Variants in UVRAG observed in about 807,000 individuals in gnomAD.
The protein encoded by UVRAG is UV radiation resistance associated.
UVRAG carries 19 observed loss-of-function variants against 78.0 expected under a neutral mutation model. The observed-to-expected ratio is 0.24, with a 90% CI of 0.17 to 0.36. The LOEUF is 0.36. Ranked by LOEUF, UVRAG falls within the 10% of genes least tolerant of loss-of-function variation. The pLI is 1.00. For synonymous variants in UVRAG, 323 were observed against 324.6 expected (o/e 1.00, Z 0.05); for missense variants, 740 against 853.8 (o/e 0.87, Z 1.66).
At chr11:76,038,824 T>A (rs1476913340) in intron 12 of UVRAG, among the ~76,000 whole-genome samples, 1 of 152,190 alleles carries the variant, frequency 6.6e-6, no homozygotes, top group East Asian at 1.9e-4. Context: ...TCCTAAGAAC[T>A]GGGAGTGAAA....
intron 3 of UVRAG, among the ~76,000 whole-genome samples, chr11:75,878,004 A>G (rs1177806600): frequency 4.7e-4 from 64 of 136,392 alleles, no homozygotes; most frequent in African/African-American, 1.8e-3. Context: ...CCGGGCGGAG[A>G]CGCTCCTCAC....
In UVRAG at chr11:76,035,476, T is replaced by C. The variant is rs182090027; in HGVS notation, c.1226+18496T>C. Among the ~76,000 whole-genome samples the C allele has an allele frequency of 1.1e-3, 167 of 152,336 alleles. 2 individuals are homozygous for C. The highest frequency in any genetic ancestry group is 1.8e-3 in the Non-Finnish European group (124 of 67,996). ...ATTTTAATTGGAAACTGCCCTGTTT[T>C]GTAGTATGCAATTTGGAATAGACAC... On this transcript the variant is annotated intron_variant, in intron 12 of 14. Transcript: ENST00000356136.
intron 6 of UVRAG, among the ~76,000 whole-genome samples, chr11:75,924,475 T>G (rs1478850910): frequency 1.3e-5 from 2 of 152,036 alleles, no homozygotes; most frequent in South Asian, 4.1e-4. Context: ...AAGCTCTGTC[T>G]CCCAGGTTCA....
intron 5 of UVRAG, among the ~76,000 whole-genome samples, chr11:75,900,739 G>T (rs895093329): frequency 6.6e-6 from 1 of 152,134 alleles, no homozygotes; most frequent in African/African-American, 2.4e-5. Context: ...GCCTGTGATT[G>T]TGATTATTTT....
At chr11:75,913,380 G>A (rs909988326) in intron 6 of UVRAG, among the ~76,000 whole-genome samples, 9 of 152,184 alleles carry the variant, frequency 5.9e-5, no homozygotes, top group African/African-American at 2.2e-4. Flanking sequence ...ATGTAGGAGA[G>A]CAGGAACTGA....
chr11:76,013,613 C>T (rs1249931235), intron 11 of UVRAG, among the ~76,000 whole-genome samples: 2 of 152,174 alleles, frequency 1.3e-5, no homozygotes, highest in African/African-American at 4.8e-5. Flanking sequence ...TCTTGCAATG[C>T]TGGAAACCTT....
At chr11:76,085,348 A>AT (rs750378310) in intron 13 of UVRAG, among the ~76,000 whole-genome samples, 7 of 152,228 alleles carry the variant, frequency 4.6e-5, no homozygotes, top group South Asian at 2.1e-4. Flanking sequence ...TAAAGTATAA[A>AT]TTGTGCTGGG....
intron 12 of UVRAG, among the ~76,000 whole-genome samples, chr11:76,027,520 G>A (rs971893421): frequency 2.0e-5 from 3 of 151,994 alleles, no homozygotes; most frequent in African/African-American, 7.2e-5. Context: ...TTGGGGTCAT[G>A]TTGGCTTCTC....
At chr11:76,108,819 T>C (rs981652433) in intron 13 of UVRAG, among the ~76,000 whole-genome samples, 1 of 152,200 alleles carries the variant, frequency 6.6e-6, no homozygotes, top group Non-Finnish European at 1.5e-5. Context: ...CAATACAGTT[T>C]GTTAATTTTT....
intron 7 of UVRAG, among the ~76,000 whole-genome samples, chr11:75,976,305 C>A (rs1949237970): frequency 1.3e-5 from 2 of 152,184 alleles, no homozygotes; most frequent in African/African-American, 4.8e-5. Context: ...CAATGTTCAT[C>A]AGGGATATTG....
chr11:76,090,591 T>TA (rs1266285600), intron 13 of UVRAG, among the ~76,000 whole-genome samples: 1 of 152,206 alleles, frequency 6.6e-6, no homozygotes, highest in Non-Finnish European at 1.5e-5. Flanking sequence ...GACCTACCGT[T>TA]ATAGGTTTTC....
intron 6 of UVRAG, chr11:75,935,160 T>G (rs1948342334): frequency 6.6e-6 from 1 of 152,218 alleles, no homozygotes; most frequent in Non-Finnish European, 1.5e-5. Context: ...TTGTACAGTG[T>G]CAGAAGACAG....
intron 1 of UVRAG, among the ~76,000 whole-genome samples, chr11:75,844,629 T>TA (rs1472851988): frequency 6.6e-6 from 1 of 152,048 alleles, no homozygotes; most frequent in Non-Finnish European, 1.5e-5. Flanking sequence ...ATGATTGTGA[T>TA]ACTAATATTT....
chr11:76,083,016 G>A (rs1442203113), intron 13 of UVRAG, among the ~76,000 whole-genome samples: 1 of 152,162 alleles, frequency 6.6e-6, no homozygotes, highest in Non-Finnish European at 1.5e-5. Flanking sequence ...GGGTGACAGA[G>A]ACCGTGTCTC....
chr11:75,922,981 A>T (rs913655635), intron 6 of UVRAG, among the ~76,000 whole-genome samples: 11 of 146,008 alleles, frequency 7.5e-5, no homozygotes, highest in South Asian at 2.1e-4. Context: ...ATAAGAAAAA[A>T]ATATATATAC....
chr11:76,069,280 T>C (rs1299449796), intron 13 of UVRAG, among the ~76,000 whole-genome samples: 2 of 152,224 alleles, frequency 1.3e-5, no homozygotes, highest in Admixed American at 6.5e-5. Flanking sequence ...CCTCTTCATG[T>C]CACTGCTGTC....
chr11:76,021,890 C>CA (rs1014426623), intron 12 of UVRAG, among the ~76,000 whole-genome samples: 2 of 152,046 alleles, frequency 1.3e-5, no homozygotes, highest in African/African-American at 4.8e-5. Context: ...ACTGTCTTTA[C>CA]AAAAAATACA....
chr11:75,916,862 T>C (rs556855199), intron 6 of UVRAG: 1 of 152,322 alleles, frequency 6.6e-6, no homozygotes, highest in East Asian at 1.9e-4. Flanking sequence ...ATAAGACCAA[T>C]TAAGCCAGTT....
At chr11:76,107,547 CAT>C (rs1278913082) in intron 13 of UVRAG, among the ~76,000 whole-genome samples, 1 of 152,206 alleles carries the variant, frequency 6.6e-6, no homozygotes, top group African/African-American at 2.4e-5. Context: ...TACATTATAA[CAT>C]ATCTATTTTG....
Sources: allele counts gnomAD v4.1 joint callset (sites outside exome capture counted in the v4.1 genomes callset), GRCh38; gene constraint gnomAD v4.1.1; transcripts MANE v1.5; gene names NCBI Gene and HGNC (gene_info 2026-07-23, HGNC 2026-07-21).